SPARCL1: variants seen among roughly 807,000 people sequenced by gnomAD.
SPARCL1 encodes SPARC like 1.
Under a neutral mutation model 67.1 loss-of-function variants are expected in SPARCL1, and 52 were observed. That is an observed-to-expected ratio of 0.78 (90% CI 0.62 to 0.98). The LOEUF (loss-of-function observed/expected upper bound fraction) is 0.98, where lower values mean the gene tolerates loss of function less well. Ranked by LOEUF, SPARCL1 falls within the 50% of genes least tolerant of loss-of-function variation. The pLI, the probability that SPARCL1 is intolerant of heterozygous loss-of-function variation, is 0.00. For missense variants in SPARCL1, 717 were observed against 782.4 expected, an observed-to-expected ratio of 0.92 and a Z score of 1.00; for synonymous variants, 226 against 267.8, an observed-to-expected ratio of 0.84 and a Z score of 1.52.
chr4:87,515,730 A>G (rs944572848), intron 1 of SPARCL1, among the ~76,000 whole-genome samples: 6 of 152,324 alleles, frequency 3.9e-5, no homozygotes, highest in Admixed American at 6.5e-5. Context: ...GAGTTTTTCT[A>G]TTGGCTGACC....
At chr4:87,525,517 A>T (rs1726004179) in intron 1 of SPARCL1, among the ~76,000 whole-genome samples, 1 of 152,114 alleles carries the variant, frequency 6.6e-6, no homozygotes, top group East Asian at 1.9e-4. Flanking sequence ...AAATGGATTT[A>T]TTGCAGGGTT....
Position 87,482,566 on chromosome 4 carries a change from A to G in SPARCL1, c.1532-6T>C. The G allele has an allele frequency of 6.2e-7, 1 of 1,613,868 alleles. No homozygotes were observed. The highest frequency in any genetic ancestry group is 1.1e-5 in the South Asian group (1 of 91,072). ...GTCCGTACAAGTAGGAATAGCTGTT[A>G]CAAGCAGAAAATGTACTGTAATCTT... On this transcript the variant is annotated splice_region_variant and splice_polypyrimidine_tract_variant and intron_variant, in intron 7 of 10. Coordinates refer to ENST00000282470, the MANE Select transcript of SPARCL1 (RefSeq NM_004684.6).
intron 1 of SPARCL1, among the ~76,000 whole-genome samples, chr4:87,510,042 T>A (rs1725283167): frequency 1.3e-5 from 2 of 152,200 alleles, no homozygotes; most frequent in African/African-American, 4.8e-5. Flanking sequence ...TTTGAGTTGG[T>A]TGTTAAAGTC....
rs748754520 is a variant in SPARCL1 at position 87,490,359 on chromosome 4, G to A, written c.1445C>T (p.Ser482Phe). ...GCATTTAGTAGCGAATAGATGACAGGAACTAGCATAGGTCTGATTGTCAGT... is the reference window on the plus strand; with the variant it reads ...GCATTTAGTAGCGAATAGATGACAGAAACTAGCATAGGTCTGATTGTCAGT... Reference protein sequence around the residue: ...CGTDNQTYASSCHLFATKCRL... With the variant: ...CGTDNQTYASFCHLFATKCRL... Residue 482 changes from serine to phenylalanine, a missense_variant, in exon 7 of 11, where the codon TCC becomes TTC. Physicochemically the swap from Ser to Phe is radical, Grantham distance 155 (BLOSUM62 -2). Transcript: ENST00000282470. The A allele has an allele frequency of 5.6e-6, 9 of 1,613,046 alleles. No individual in the cohort carries two copies. The highest frequency in any genetic ancestry group is 4.5e-5 in the East Asian group (2 of 44,844).
intron 6 of SPARCL1, 53 bp downstream of exon 6, chr4:87,490,707 T>A (rs761282479): frequency 4.7e-5 from 56 of 1,195,906 alleles, no homozygotes; most frequent in Non-Finnish European, 6.7e-5. Context: ...ATATTTTTAT[T>A]TCAGTCACTA....
At chr4:87,516,625 A>AC (rs1350017254) in intron 1 of SPARCL1, among the ~76,000 whole-genome samples, 5 of 152,084 alleles carry the variant, frequency 3.3e-5, no homozygotes, top group Non-Finnish European at 7.4e-5. Flanking sequence ...GTGCTTCCTG[A>AC]CCATCCCTCT....
Position 87,488,470 on chromosome 4 carries a change from C to T in SPARCL1, c.1531+1803G>A, listed in dbSNP as rs577260307. ...TGCCTGTTCCTTCCTCTGGAAGCTT[C>T]GTCCCAGAGGGGTACCTGCTAGATG... On this transcript the variant is annotated intron_variant, in intron 7 of 10. Coordinates refer to ENST00000282470, the MANE Select transcript of SPARCL1 (RefSeq NM_004684.6). Among the ~76,000 whole-genome samples the T allele has an allele frequency of 2.1e-3, 324 of 152,278 alleles. 1 individual carries two copies. Among genetic ancestry groups the T allele is most frequent in the South Asian group, 0.011 (54 of 4,822 alleles).
At position 87,494,046 on chromosome 4, in the gene SPARCL1, G is replaced by A. The variant is rs1475878401; in HGVS notation, c.754C>T (p.Gln252Ter). ...DILEESDQPT[Q>*]VSKMQEDEFD... ...TCATCCTCCTGCATCTTGCTTACTT[G>A]AGTTGGTTGATCAGACTCTTCCAAA... The change falls in exon 4 of 11, where the codon CAA (glutamine) becomes TAA (stop). Residue 252 changes from glutamine to a stop codon, truncating the protein, a stop_gained. Transcript: ENST00000282470. LOFTEE classifies it high-confidence loss of function. 1 of 1,613,866 alleles carries A rather than the reference G, an allele frequency of 6.2e-7. No homozygotes were observed. Among genetic ancestry groups the A allele is most frequent in the African/African-American group, 1.3e-5 (1 of 74,856 alleles).
At chr4:87,517,576 C>T (rs566705856) in intron 1 of SPARCL1, among the ~76,000 whole-genome samples, 2 of 152,288 alleles carry the variant, frequency 1.3e-5, no homozygotes, top group East Asian at 1.9e-4. Flanking sequence ...TCTACTACCC[C>T]TGTAATTTCT....
chr4:87,490,895 G>T lies in SPARCL1; in HGVS notation c.1292-17C>A. On this transcript the variant is annotated splice_polypyrimidine_tract_variant and intron_variant, in intron 5 of 10. Coordinates refer to ENST00000282470, the MANE Select transcript of SPARCL1 (RefSeq NM_004684.6). ...TGCAAGAATCTAACAGAAAAGATTG[G>T]GCAGGAAGCATGGACAAAGTTAAAT... 4.2e-6 allele frequency: 6 copies of T among 1,427,712 alleles called. No homozygotes were observed. Among genetic ancestry groups the T allele is most frequent in the Non-Finnish European group, 5.8e-6 (6 of 1,033,100 alleles). 88.4% of individuals were successfully genotyped at this position (1,427,712 alleles called of 1,614,324 possible). A position where few individuals can be genotyped will look rare whatever the true frequency, so the allele number is the denominator to read the frequency against.
chr4:87,491,940 A>AC (rs200718270), intron 4 of SPARCL1, among the ~76,000 whole-genome samples: 36 of 10,416 alleles, frequency 3.5e-3, no homozygotes, highest in Middle Eastern at 0.036. Flanking sequence ...CTCCATCTCT[A>AC]CCCACCCCCC....
intron 1 of SPARCL1, among the ~76,000 whole-genome samples, chr4:87,500,895 G>A (rs1417352577): frequency 6.6e-6 from 1 of 152,112 alleles, no homozygotes; most frequent in East Asian, 1.9e-4. Flanking sequence ...TCATGACAAT[G>A]TAAATATTCT....
chr4:87,509,090 A>G (rs1725240842), intron 1 of SPARCL1, among the ~76,000 whole-genome samples: 2 of 148,868 alleles, frequency 1.3e-5, no homozygotes, highest in African/African-American at 4.9e-5. Context: ...CTATAAATAT[A>G]TAATATATTT....
At chr4:87,515,218 C>A (rs1725532206) in intron 1 of SPARCL1, among the ~76,000 whole-genome samples, 1 of 152,140 alleles carries the variant, frequency 6.6e-6, no homozygotes, top group African/African-American at 2.4e-5. Flanking sequence ...GATCTAAGTT[C>A]CAGACTTGAA....
At chr4:87,475,814 G>A (rs1723561385) in intron 10 of SPARCL1, among the ~76,000 whole-genome samples, 1 of 152,182 alleles carries the variant, frequency 6.6e-6, no homozygotes, top group South Asian at 2.1e-4. Context: ...ACTGTGGAAA[G>A]CAGTTTGAAG....
chr4:87,489,990 T>G (rs6835925), intron 7 of SPARCL1, among the ~76,000 whole-genome samples: 32,535 of 152,124 alleles, frequency 0.21, 5,234 homozygotes, highest in African/African-American at 0.45. Context: ...GTGGATAGCA[T>G]TATCATAGTG....
chr4:87,481,639 A>T (rs1373742751), intron 8 of SPARCL1, among the ~76,000 whole-genome samples: 2 of 152,160 alleles, frequency 1.3e-5, no homozygotes, highest in Admixed American at 1.3e-4. Context: ...GACACAGTTA[A>T]TGCACACCCT....
intron 1 of SPARCL1, among the ~76,000 whole-genome samples, chr4:87,503,808 A>G (rs1399918470): frequency 6.6e-6 from 1 of 150,704 alleles, no homozygotes; most frequent in Non-Finnish European, 1.5e-5. Context: ...CCTCCCAAGT[A>G]GCTGGAATAA....
intron 2 of SPARCL1, among the ~76,000 whole-genome samples, chr4:87,498,521 G>A (rs1021179920): frequency 2.6e-5 from 4 of 152,214 alleles, no homozygotes; most frequent in African/African-American, 9.6e-5. Context: ...ATCATTTGCA[G>A]AACATCTCCA....
Sources: gnomAD v4.1 joint callset for allele counts (sites outside exome capture counted in the v4.1 genomes callset) on GRCh38, gnomAD v4.1.1 for gene constraint, MANE v1.5 for transcripts, NCBI Gene and HGNC (gene_info 2026-07-23, HGNC 2026-07-21) for gene names.